The following ADAMTS2 variants were observed in gnomAD, a reference collection of about 807,000 sequenced individuals.
ADAMTS2 encodes ADAM metallopeptidase with thrombospondin type 1 motif 2.
Under a neutral mutation model 123.0 loss-of-function variants are expected in ADAMTS2, and 50 were observed. The ratio of observed to expected loss-of-function variants is 0.41; its 90% CI spans 0.32 to 0.51. The LOEUF is 0.51. Ranked by LOEUF, ADAMTS2 falls within the 20% of genes least tolerant of loss-of-function variation. ADAMTS2 has a pLI of 0.35. For synonymous variants in ADAMTS2, 678 were observed against 695.4 expected, an observed-to-expected ratio of 0.98 and a Z score of 0.39; for missense variants, 1,494 against 1,705.2, an observed-to-expected ratio of 0.88 and a Z score of 2.18.
chr5:179,306,780 G>A (rs776810987), intron 2 of ADAMTS2, among the ~76,000 whole-genome samples: 34 of 152,300 alleles, frequency 2.2e-4, no homozygotes, highest in Non-Finnish European at 4.1e-4. Context: ...TGCCAAGCCC[G>A]GTGCCAGCAG....
intron 13 of ADAMTS2, among the ~76,000 whole-genome samples, chr5:179,134,594 C>T (rs991624863): frequency 3.9e-5 from 6 of 152,234 alleles, no homozygotes. Flanking sequence ...CCCAAGGGTA[C>T]AGAGCAGACA....
In ADAMTS2 at chr5:179,207,761, G is replaced by A. The variant is rs774044710; in HGVS notation, c.689-46C>T. ...CTTCAGCGGCAGGGCAAACCCACCCGGACACAAACCTACCAGGCGCCAGCT... is the reference window on the plus strand; with the variant it reads ...CTTCAGCGGCAGGGCAAACCCACCCAGACACAAACCTACCAGGCGCCAGCT... On this transcript the variant is annotated intron_variant, in intron 3 of 21. Coordinates refer to ENST00000251582, the MANE Select transcript of ADAMTS2 (RefSeq NM_014244.5). The A allele has an allele frequency of 2.0e-5, 31 of 1,572,698 alleles. No homozygotes were observed. The Middle Eastern group carries it at 5.3e-4, about 27-fold the overall frequency.
chr5:179,299,710 C>T (rs1407942020), intron 2 of ADAMTS2, among the ~76,000 whole-genome samples: 2 of 151,900 alleles, frequency 1.3e-5, no homozygotes, highest in Admixed American at 6.6e-5. Flanking sequence ...ACCCACATTC[C>T]TTGGCTTGTG....
At chr5:179,231,159 C>T (rs765296716) in intron 3 of ADAMTS2, among the ~76,000 whole-genome samples, 6 of 152,166 alleles carry the variant, frequency 3.9e-5, no homozygotes, top group Non-Finnish European at 5.9e-5. Flanking sequence ...AGGACAAATA[C>T]GGCACTCGTC....
intron 3 of ADAMTS2, among the ~76,000 whole-genome samples, chr5:179,208,946 G>A (rs780415437): frequency 8.5e-5 from 13 of 152,204 alleles, no homozygotes; most frequent in Admixed American, 1.3e-4. Flanking sequence ...GGAGACCAGC[G>A]TCCCTGCTGC....
In ADAMTS2 at chr5:179,302,170, C is replaced by T. The variant is rs550911261; in HGVS notation, c.535-29106G>A. On this transcript the variant is annotated intron_variant, in intron 2 of 21. Transcript: ENST00000251582. ...ACCCCACTGCATGTATGAAAATAGA[C>T]GGGGGTGATGGCCGGGTGCGGTGGC... Among the ~76,000 whole-genome samples, 789 of 152,018 alleles carry T rather than the reference C, an allele frequency of 5.2e-3. 8 individuals are homozygous for T. The highest frequency in any genetic ancestry group is 0.018 in the African/African-American group (747 of 41,480).
intron 21 of ADAMTS2, among the ~76,000 whole-genome samples, chr5:179,116,041 C>T (rs977139434): frequency 5.3e-5 from 8 of 152,238 alleles, no homozygotes; most frequent in Admixed American, 2.6e-4. Context: ...CACCCTGTCT[C>T]GGTGCATGGT....
chr5:179,248,971 T>G (rs927419336), intron 3 of ADAMTS2, among the ~76,000 whole-genome samples: 4 of 150,420 alleles, frequency 2.7e-5, no homozygotes, highest in African/African-American at 1.0e-4. Flanking sequence ...TTCTCCAGGA[T>G]AGGTCATATG....
rs1315727417 is a variant in ADAMTS2, at chr5:179,242,424, G to A, written c.688+30487C>T. ...AAAGATTAGGAATCATCTGCCATGA[G>A]AATTCCACTTCTGGAATGGTGGTGA... On this transcript the variant is annotated intron_variant, in intron 3 of 21. Coordinates refer to ENST00000251582, the MANE Select transcript of ADAMTS2 (RefSeq NM_014244.5). This position sits in a 1 kb window ranked among gnomAD's most constrained non-coding sequence, Gnocchi z 4.2. Among the ~76,000 whole-genome samples the A allele has an allele frequency of 2.6e-5, 4 of 152,146 alleles. No individual in the cohort carries two copies. The highest frequency in any genetic ancestry group is 9.7e-5 in the African/African-American group (4 of 41,434).
At position 179,114,023 on chromosome 5, in the gene ADAMTS2, G is replaced by A. The variant is rs34437036; in HGVS notation, c.3480C>T (p.Ala1160=). ...CATGGATTTTGTAGGGTTCATCTAC[G>A]GCATTGGTTTCTGGGTGATCCTCTG... ...NATEDHPETN[A]VDEPYKIHGL... The change falls in exon 22 of 22, where the codon GCC becomes GCT. Residue 1160 remains alanine, a synonymous_variant. Transcript: ENST00000251582. 1.2e-5 allele frequency: 19 copies of A among 1,614,002 alleles called. 1 individual carries two copies. Among genetic ancestry groups the A allele is most frequent in the Admixed American group, 1.0e-4 (6 of 59,992 alleles).
chr5:179,235,308 A>C (rs2113439032), intron 3 of ADAMTS2, among the ~76,000 whole-genome samples: 1 of 152,322 alleles, frequency 6.6e-6, no homozygotes. Flanking sequence ...GGTTTGGCAC[A>C]ATGGGATGAA....
chr5:179,267,822 G>C (rs1766413882), intron 3 of ADAMTS2, among the ~76,000 whole-genome samples: 1 of 152,134 alleles, frequency 6.6e-6, no homozygotes, highest in South Asian at 2.1e-4. Flanking sequence ...TTTGCTGGCT[G>C]AGCCCTGGAC....
At chr5:179,265,929 AG>A (rs1276760338) in intron 3 of ADAMTS2, among the ~76,000 whole-genome samples, 2 of 151,944 alleles carry the variant, frequency 1.3e-5, no homozygotes, top group African/African-American at 4.8e-5. Context: ...TGAGCTGAGA[AG>A]ACTCCAGGGA....
Position 179,207,695 on chromosome 5 carries a change from C to A in ADAMTS2, c.709G>T (p.Asp237Tyr), listed in dbSNP as rs768334305. 30 of 1,611,566 alleles carry A rather than the reference C, an allele frequency of 1.9e-5. No homozygotes were observed. The East Asian group carries it at 5.8e-4, about 31-fold the overall frequency. ...ACGCCCAGGGCGCGGCTGAGGCTGT[C>A]CAGGCTGTCCAGGGAGGCCCCTGCA... ...LDTGASLDSLDSLSRALGVLE... is the reference protein window; with the variant it reads ...LDTGASLDSLYSLSRALGVLE... Residue 237 changes from aspartate to tyrosine, a missense_variant, in exon 4 of 22, where the codon GAC (aspartate) becomes TAC (tyrosine). Asp to Tyr is a radical substitution (Grantham distance 160). Around this residue, in one of 6 missense-constraint regions of ADAMTS2, gnomAD observed 184 missense variants for 152.1 expected, o/e 1.21. Transcript: ENST00000251582.
intron 2 of ADAMTS2, among the ~76,000 whole-genome samples, chr5:179,310,404 C>A (rs1332501497): frequency 3.9e-5 from 6 of 152,236 alleles, no homozygotes; most frequent in Non-Finnish European, 1.5e-5. Flanking sequence ...GAAGCCCCCC[C>A]ATAGGCTGCC....
rs114271446 is a variant in ADAMTS2 at position 179,260,323 on chromosome 5, A to G, written c.688+12588T>C. ...TCTTTCTTTTCACGGATATTTACGC[A>G]CCAACCGTGTGCCAGGCATTCCTCA... On this transcript the variant is annotated intron_variant, in intron 3 of 21. Coordinates refer to ENST00000251582, the MANE Select transcript of ADAMTS2 (RefSeq NM_014244.5). This position sits in a 1 kb window ranked among gnomAD's most constrained non-coding sequence, Gnocchi z 4.2. Among the ~76,000 whole-genome samples, 225 of 152,254 alleles carry G rather than the reference A, an allele frequency of 1.5e-3. No homozygotes were observed. The highest frequency in any genetic ancestry group is 5.0e-3 in the African/African-American group (207 of 41,550).
intron 3 of ADAMTS2, among the ~76,000 whole-genome samples, chr5:179,261,671 C>T (rs1766228150): frequency 6.6e-6 from 1 of 152,232 alleles, no homozygotes; most frequent in South Asian, 2.1e-4. Context: ...CAGCTGGTAG[C>T]GCTGCCTGCG....
At chr5:179,201,631 CAAAAAA>C (rs58141791) in intron 4 of ADAMTS2, among the ~76,000 whole-genome samples, 57 of 91,898 alleles carry the variant, frequency 6.2e-4, no homozygotes, top group African/African-American at 1.6e-3. Flanking sequence ...ACTAAAAATA[CAAAAAA>C]AAAAAAAAAA....
chr5:179,149,549 C>T (rs1381436393), intron 10 of ADAMTS2, among the ~76,000 whole-genome samples: 1 of 152,184 alleles, frequency 6.6e-6, no homozygotes, highest in Non-Finnish European at 1.5e-5. Flanking sequence ...AGGAGCCACG[C>T]AGTGGTCCTC....
Sources: gnomAD v4.1 joint callset for allele counts (sites outside exome capture counted in the v4.1 genomes callset) on GRCh38, gnomAD v4.1.1 for gene constraint, gnomAD v4.1.1 regional missense constraint, Gnocchi (gnomAD v3.1) non-coding constraint, MANE v1.5 for transcripts, NCBI Gene and HGNC (gene_info 2026-07-23, HGNC 2026-07-21) for gene names.